Variants in HIVEP3 observed in about 807,000 individuals in gnomAD.
HIVEP3 encodes HIVEP zinc finger 3.
HIVEP3 carries 49 observed loss-of-function variants against 152.8 expected under a neutral mutation model. The ratio of observed to expected loss-of-function variants is 0.32; its 90% CI spans 0.26 to 0.41. HIVEP3 has a LOEUF of 0.41. HIVEP3 is among the 10% of genes least tolerant of loss of function. The pLI is 1.00. For synonymous variants in HIVEP3, 1,269 were observed against 1,289.0 expected (o/e 0.98, Z 0.33); for missense variants, 2,790 against 3,103.3 (o/e 0.90, Z 2.40).
At chr1:41,954,247 T>C (rs1184286428) in intron 1 of HIVEP3, among the ~76,000 whole-genome samples, 13 of 152,230 alleles carry the variant, frequency 8.5e-5, no homozygotes, top group Admixed American at 7.9e-4. Context: ...AAACCTGTTT[T>C]TACTGACTCC....
At chr1:41,571,933 G>A (rs1644256608) in intron 5 of HIVEP3, among the ~76,000 whole-genome samples, 1 of 152,166 alleles carries the variant, frequency 6.6e-6, no homozygotes, top group African/African-American at 2.4e-5. Flanking sequence ...CTAGAGATAG[G>A]GTGGCCAGAG....
chr1:41,816,659 A>G (rs894838611), intron 1 of HIVEP3, among the ~76,000 whole-genome samples: 1 of 152,210 alleles, frequency 6.6e-6, no homozygotes, highest in Admixed American at 6.5e-5. Context: ...AGCCTGGGCA[A>G]CAGAAGGAGA....
chr1:41,995,048 C>T (rs115973962), intron 1 of HIVEP3, among the ~76,000 whole-genome samples: 1,698 of 151,880 alleles, frequency 0.011, 30 homozygotes, highest in African/African-American at 0.039. Flanking sequence ...GTCCAACATA[C>T]GTTTTATTCA....
chr1:41,856,363 G>A (rs1460587255), intron 1 of HIVEP3, among the ~76,000 whole-genome samples: 1 of 152,186 alleles, frequency 6.6e-6, no homozygotes, highest in Non-Finnish European at 1.5e-5. Flanking sequence ...GCCAAGCGGT[G>A]GGCTGGGCAC....
chr1:41,688,076 C>T (rs1428042121), intron 2 of HIVEP3, among the ~76,000 whole-genome samples: 1 of 152,194 alleles, frequency 6.6e-6, no homozygotes, highest in Non-Finnish European at 1.5e-5. Context: ...CTGTGGGCAC[C>T]ACGGTTCTTG....
chr1:41,828,221 G>A (rs1176485231), intron 1 of HIVEP3, among the ~76,000 whole-genome samples: 1 of 152,138 alleles, frequency 6.6e-6, no homozygotes, highest in Admixed American at 6.5e-5. Context: ...GCCCTGGGTG[G>A]CCACCCAGTG....
At chr1:41,561,408 C>T (rs887175515) in intron 5 of HIVEP3, among the ~76,000 whole-genome samples, 5 of 152,132 alleles carry the variant, frequency 3.3e-5, no homozygotes, top group African/African-American at 1.2e-4. Context: ...AAACAATGCC[C>T]GAAGATGGAA....
At chr1:41,653,118 T>G (rs1645576823) in intron 2 of HIVEP3, among the ~76,000 whole-genome samples, 1 of 152,204 alleles carries the variant, frequency 6.6e-6, no homozygotes, top group Admixed American at 6.5e-5. Flanking sequence ...TTCACTTTAA[T>G]TTTTTTAGCT....
chr1:41,881,521 A>G (rs1413435449), intron 1 of HIVEP3, among the ~76,000 whole-genome samples: 1 of 152,242 alleles, frequency 6.6e-6, no homozygotes, highest in East Asian at 1.9e-4. Context: ...AATACATAGT[A>G]ATCAGTTCCA....
intron 1 of HIVEP3, among the ~76,000 whole-genome samples, chr1:41,864,391 A>C (rs1032951597): frequency 6.6e-6 from 1 of 152,202 alleles, no homozygotes; most frequent in Non-Finnish European, 1.5e-5. Flanking sequence ...GTGACTTCTC[A>C]CCATTTCTAA....
chr1:41,960,325 C>T (rs569013432), intron 1 of HIVEP3, among the ~76,000 whole-genome samples: 1 of 152,298 alleles, frequency 6.6e-6, no homozygotes, highest in African/African-American at 2.4e-5. Flanking sequence ...CAGAAGTTAT[C>T]AGAAGATAGA....
At chr1:41,628,658 C>T (rs901085319) in intron 3 of HIVEP3, 91 bp downstream of exon 3, 3 of 973,368 alleles carry the variant, frequency 3.1e-6, no homozygotes, top group Non-Finnish European at 4.0e-6. Flanking sequence ...AACAATAATA[C>T]ATTTTTCAGA....
In HIVEP3 at chr1:41,513,559, G is replaced by A; in HGVS notation, c.5662C>T (p.His1888Tyr). The change falls in exon 8 of 9, where the codon CAT becomes TAT. Residue 1888 changes from histidine to tyrosine, a missense_variant. His to Tyr is a moderately conservative substitution (Grantham distance 83). Transcript: ENST00000372583. ...GGTGAGGAGTCTGCCCGCAGTGCAT[G>A]TGGTGGGCCAGGCGGGGGCGCCTCT... is the stretch of plus-strand genomic sequence containing the variant. ...SSEAPPPGPP[H>Y]ALRADSSPIL... 6.2e-7 allele frequency: 1 copy of A among 1,612,056 alleles called. No homozygotes were observed. Among genetic ancestry groups the A allele is most frequent in the East Asian group, 2.2e-5 (1 of 44,856 alleles).
At chr1:41,517,006 A>G (rs962766867) in intron 7 of HIVEP3, among the ~76,000 whole-genome samples, 2 of 152,204 alleles carry the variant, frequency 1.3e-5, no homozygotes, top group African/African-American at 4.8e-5. Context: ...TGTTTTATTT[A>G]TTGCGGAACC....
intron 2 of HIVEP3, among the ~76,000 whole-genome samples, chr1:41,650,217 G>A (rs6703992): frequency 0.71 from 107,115 of 151,798 alleles, 38,148 homozygotes; most frequent in East Asian, 0.98. Flanking sequence ...AGGGACTGCT[G>A]GGGAATGGGA....
intron 1 of HIVEP3, among the ~76,000 whole-genome samples, chr1:42,012,430 T>G (rs200177329): frequency 4.0e-5 from 6 of 151,724 alleles, no homozygotes; most frequent in South Asian, 2.1e-4. Flanking sequence ...GGAGCCCTTA[T>G]AAGAGGAAGA....
intron 2 of HIVEP3, among the ~76,000 whole-genome samples, chr1:41,636,959 CAAAA>C (rs56258158): frequency 0.51 from 64,063 of 126,836 alleles, 14,905 homozygotes; most frequent in Non-Finnish European, 0.58. Context: ...AACTCCATCT[CAAAA>C]AAAAAAAAAA....
intron 1 of HIVEP3, among the ~76,000 whole-genome samples, chr1:42,013,384 C>T (rs1242745463): frequency 6.6e-6 from 1 of 152,198 alleles, no homozygotes; most frequent in African/African-American, 2.4e-5. Context: ...CAACCCATAA[C>T]ACCTCAGTTT....
At chr1:41,612,866 C>T (rs1163151383) in intron 3 of HIVEP3, among the ~76,000 whole-genome samples, 1 of 152,168 alleles carries the variant, frequency 6.6e-6, no homozygotes, top group East Asian at 1.9e-4. Flanking sequence ...AGAGCTGGGC[C>T]CTTTAGGGTC....
Sources: allele counts gnomAD v4.1 joint callset (sites outside exome capture counted in the v4.1 genomes callset), GRCh38; gene constraint gnomAD v4.1.1; transcripts MANE v1.5; gene names NCBI Gene and HGNC (gene_info 2026-07-23, HGNC 2026-07-21).